The following IFT25 variants were observed in gnomAD, a reference collection of about 807,000 sequenced individuals.
IFT25 encodes the protein intraflagellar transport 25.
At chr1:53,930,710 G>C in the IFT25 span, among the ~76,000 whole-genome samples, 1 of 151,952 alleles carries the variant, frequency 6.6e-6, no homozygotes, top group Non-Finnish European at 1.5e-5. Context: ...TTAATCTCCT[G>C]TGTTTCTATG....
chr1:53,941,193 C>T, the IFT25 span, among the ~76,000 whole-genome samples: 1 of 152,056 alleles, frequency 6.6e-6, no homozygotes, highest in Non-Finnish European at 1.5e-5. Context: ...CGGGGTTTCA[C>T]CATGTTGGCC....
chr1:53,931,672 T>C, the IFT25 span, among the ~76,000 whole-genome samples: 1 of 152,238 alleles, frequency 6.6e-6, no homozygotes, highest in Admixed American at 6.5e-5. Flanking sequence ...GTTCTTTATA[T>C]ATGATTCCTT....
the IFT25 span, among the ~76,000 whole-genome samples, chr1:53,920,690 G>C: frequency 6.6e-6 from 1 of 152,200 alleles, no homozygotes; most frequent in Non-Finnish European, 1.5e-5. Flanking sequence ...AAGAGGGCCG[G>C]GTGTGGTGGC....
At chr1:53,933,454 G>A in the IFT25 span, among the ~76,000 whole-genome samples, 3 of 152,088 alleles carry the variant, frequency 2.0e-5, no homozygotes, top group East Asian at 3.8e-4. Flanking sequence ...CCTAATGAAC[G>A]GACTCTCTAA....
chr1:53,944,612 C>A, the IFT25 span, among the ~76,000 whole-genome samples: 1 of 152,196 alleles, frequency 6.6e-6, no homozygotes, highest in Non-Finnish European at 1.5e-5. Context: ...CCACTGCACT[C>A]CAGCGTGGGC....
At chr1:53,932,167 A>T in the IFT25 span, among the ~76,000 whole-genome samples, 7 of 152,160 alleles carry the variant, frequency 4.6e-5, no homozygotes, top group East Asian at 9.6e-4. Flanking sequence ...CCCGACCAAC[A>T]TGGTGAAACC....
At chr1:53,938,942 C>T in the IFT25 span, among the ~76,000 whole-genome samples, 37 of 151,974 alleles carry the variant, frequency 2.4e-4, no homozygotes, top group Admixed American at 3.9e-4. Context: ...GGCGTGGTGG[C>T]GCATGCCTGT....
the IFT25 span, among the ~76,000 whole-genome samples, chr1:53,941,596 CCAGT>C: frequency 6.6e-5 from 10 of 152,042 alleles, no homozygotes; most frequent in African/African-American, 1.9e-4. Flanking sequence ...TACCAGAGAA[CCAGT>C]CAGTGTGGGA....
At chr1:53,918,693 TAG>T in the IFT25 span, among the ~76,000 whole-genome samples, 1 of 152,214 alleles carries the variant, frequency 6.6e-6, no homozygotes, top group Non-Finnish European at 1.5e-5. Context: ...AGGTTATCTC[TAG>T]AGTTTGATTA....
the IFT25 span, chr1:53,928,650 C>A: frequency 2.0e-6 from 1 of 500,872 alleles, no homozygotes; most frequent in South Asian, 3.0e-5. Flanking sequence ...ATGTTCGCAA[C>A]CATACAACAC....
the IFT25 span, chr1:53,939,885 A>C: frequency 1.4e-6 from 1 of 697,124 alleles, no homozygotes; most frequent in Non-Finnish European, 2.5e-6. Flanking sequence ...AACATTTATT[A>C]AACTATGTTT....
chr1:53,925,856 T>C, the IFT25 span, among the ~76,000 whole-genome samples: 1 of 151,566 alleles, frequency 6.6e-6, no homozygotes, highest in East Asian at 1.9e-4. Flanking sequence ...ATACCAGCAC[T>C]ATGGGAAGCT....
the IFT25 span, among the ~76,000 whole-genome samples, chr1:53,920,501 T>C: frequency 1.3e-5 from 2 of 152,100 alleles, no homozygotes; most frequent in East Asian, 1.9e-4. Context: ...CAGGCTAATC[T>C]TGTCTATTTC....
chr1:53,918,822 T>C, the IFT25 span, among the ~76,000 whole-genome samples: 253 of 152,160 alleles, frequency 1.7e-3, no homozygotes, highest in Non-Finnish European at 2.6e-3. Flanking sequence ...CATTAATGGC[T>C]CCCTCTCACC....
chr1:53,939,790 TA>T, the IFT25 span: 1 of 515,172 alleles, frequency 1.9e-6, no homozygotes, highest in Non-Finnish European at 3.4e-6. Flanking sequence ...TTAGGCATTA[TA>T]AAGAAAAGGA....
At chr1:53,923,564 G>T in the IFT25 span, 2 of 219,706 alleles carry the variant, frequency 9.1e-6, no homozygotes, top group Non-Finnish European at 8.9e-6. Flanking sequence ...TTCAATTTTG[G>T]CATCGCGACC....
chr1:53,912,533 G>A, the IFT25 span, among the ~76,000 whole-genome samples: 1 of 152,184 alleles, frequency 6.6e-6, no homozygotes, highest in Non-Finnish European at 1.5e-5. Context: ...TCTGAGCTGG[G>A]TGAATCCAAC....
the IFT25 span, among the ~76,000 whole-genome samples, chr1:53,919,184 CTT>C: frequency 6.6e-5 from 10 of 152,228 alleles, no homozygotes; most frequent in East Asian, 1.9e-4. Flanking sequence ...GCAGGTACCT[CTT>C]GTTTTCACTC....
At chr1:53,924,269 C>A in the IFT25 span, among the ~76,000 whole-genome samples, 1 of 151,356 alleles carries the variant, frequency 6.6e-6, no homozygotes, top group Non-Finnish European at 1.5e-5. Context: ...AAAAAAAATC[C>A]CCCTTTCAAG....
Sources: allele counts gnomAD v4.1 joint callset (sites outside exome capture counted in the v4.1 genomes callset), GRCh38; gene constraint gnomAD v4.1.1; transcripts MANE v1.5; gene names NCBI Gene and HGNC (gene_info 2026-07-23, HGNC 2026-07-21).